Variants in TRIM5 observed in about 807,000 individuals in gnomAD.
The protein encoded by TRIM5 is tripartite motif containing 5, also known as tripartite motif-containing protein 5.
A neutral mutation model predicts 35.6 loss-of-function variants in TRIM5; 31 were observed. The ratio of observed to expected loss-of-function variants is 0.87; its 90% CI spans 0.65 to 1.18. The LOEUF (loss-of-function observed/expected upper bound fraction) is 1.18, where lower values mean the gene tolerates loss of function less well. Among genes scored for constraint, TRIM5 ranks in the 50% most tolerant of loss-of-function variants. TRIM5 has a pLI of 0.00. For synonymous variants in TRIM5, 243 were observed against 215.6 expected, an observed-to-expected ratio of 1.13 and a Z score of -1.11; for missense variants, 609 against 591.6, an observed-to-expected ratio of 1.03 and a Z score of -0.31.
chr11:5,629,050 G>A, the TRIM5 span, among the ~76,000 whole-genome samples: 1 of 152,140 alleles, frequency 6.6e-6, no homozygotes, highest in Non-Finnish European at 1.5e-5. Flanking sequence ...GCCGAGACAG[G>A]TGGATCACCT....
chr11:5,634,914 C>T, the TRIM5 span: 1 of 1,569,078 alleles, frequency 6.4e-7, no homozygotes, highest in East Asian at 2.3e-5. Context: ...CCTCCTGTGT[C>T]CTTGCGTTCT....
chr11:5,639,931 G>A, the TRIM5 span, among the ~76,000 whole-genome samples: 1 of 152,138 alleles, frequency 6.6e-6, no homozygotes, highest in Non-Finnish European at 1.5e-5. Flanking sequence ...GTACATCAGA[G>A]TAAATGATGT....
the TRIM5 span, among the ~76,000 whole-genome samples, chr11:5,627,623 C>T: frequency 6.6e-6 from 1 of 152,148 alleles, no homozygotes; most frequent in Non-Finnish European, 1.5e-5. Flanking sequence ...CACTACAGCT[C>T]TTGGGGAGAG....
the TRIM5 span, chr11:5,634,909 T>A: frequency 6.3e-7 from 1 of 1,580,636 alleles, no homozygotes; most frequent in South Asian, 1.1e-5. Flanking sequence ...AGTTCCCTCC[T>A]GTGTCCTTGC....
the TRIM5 span, among the ~76,000 whole-genome samples, chr11:5,594,069 T>C: frequency 6.6e-6 from 1 of 152,194 alleles, no homozygotes; most frequent in South Asian, 2.1e-4. Flanking sequence ...CACGGATATG[T>C]TTTCATTTCT....
At chr11:5,666,221 C>G in intron 5 of TRIM5, 140 bp from the exon 6 acceptor site, 1 of 745,724 alleles carries the variant, frequency 1.3e-6, no homozygotes, top group East Asian at 2.7e-5. Flanking sequence ...AGTGCAAACT[C>G]TTGACCCTGG....
chr11:5,679,769 C>T lies in TRIM5; in HGVS notation c.409G>A (p.Glu137Lys). Reference sequence around the variant, plus strand: ...CCATCCCAGTCTCTTACTTGGTACTCCCGGGCAACCTCCTCTGTGAGGAAC... The same window carrying T: ...CCATCCCAGTCTCTTACTTGGTACTTCCGGGCAACCTCCTCTGTGAGGAAC... ...HTFLTEEVAR[E>K]YQVKLQAALE... The change falls in exon 2 of 8, where the codon GAG becomes AAG. Residue 137 changes from glutamate to lysine, a missense_variant. Transcript: ENST00000380034. 6.3e-7 allele frequency: 1 copy of T among 1,589,050 alleles called. No homozygotes were observed. Among genetic ancestry groups the T allele is most frequent in the Non-Finnish European group, 8.6e-7 (1 of 1,165,226 alleles).
intron 4 of TRIM5, among the ~76,000 whole-genome samples, chr11:5,676,754 G>T (rs1182904482): frequency 1.3e-5 from 2 of 149,704 alleles, no homozygotes; most frequent in African/African-American, 2.5e-5. Flanking sequence ...CCAAAACAGA[G>T]ATATAGATCA....
At chr11:5,659,459 A>T (rs1850741555), downstream of TRIM5, among the ~76,000 whole-genome samples, 1 of 152,222 alleles carries the variant, frequency 6.6e-6, no homozygotes, top group Non-Finnish European at 1.5e-5. Flanking sequence ...CTGGGTCATT[A>T]TTCTACATGC....
chr11:5,649,329 C>T, the TRIM5 span, among the ~76,000 whole-genome samples: 5 of 152,220 alleles, frequency 3.3e-5, no homozygotes, highest in African/African-American at 1.2e-4. Flanking sequence ...GCGATTTCTA[C>T]CTGATGGAGT....
At chr11:5,634,596 A>C in the TRIM5 span, 3 of 1,585,374 alleles carry the variant, frequency 1.9e-6, no homozygotes, top group South Asian at 3.4e-5. Flanking sequence ...TAGCCTGACA[A>C]ACTTACTACA....
chr11:5,654,674 C>CT, the TRIM5 span, among the ~76,000 whole-genome samples: 1 of 152,148 alleles, frequency 6.6e-6, no homozygotes, highest in African/African-American at 2.4e-5. Context: ...TAGTTTCAAA[C>CT]ACTATGCGGC....
the TRIM5 span, among the ~76,000 whole-genome samples, chr11:5,615,718 C>G: frequency 6.6e-6 from 1 of 151,630 alleles, no homozygotes; most frequent in Non-Finnish European, 1.5e-5. Context: ...CTCAGCCTCC[C>G]GAGTAGCTGG....
downstream of TRIM5, among the ~76,000 whole-genome samples, chr11:5,660,080 G>A (rs1590213212): frequency 1.3e-5 from 2 of 152,004 alleles, no homozygotes; most frequent in East Asian, 3.9e-4. Context: ...GGGTTCAAGC[G>A]ATTCTCCTGC....
At chr11:5,603,429 C>T in the TRIM5 span, 1 of 1,614,104 alleles carries the variant, frequency 6.2e-7, no homozygotes, top group Non-Finnish European at 8.5e-7. Flanking sequence ...AAGCCTGCAT[C>T]ACACCAAATG....
At position 5,665,045 on chromosome 11, in the gene TRIM5, T is replaced by C. The variant is rs781700358; in HGVS notation, c.1246A>G (p.Ser416Gly). Residue 416 changes from serine (S) to glycine (G), a missense_variant, in exon 8 of 8, where the codon AGT becomes GGT. Transcript: ENST00000380034. ...GGAACAGAAGGAGTATGGAAGGAAC[T>C]ATCCTGGAAAGCACTACATTTAACT... ...EGVKCSAFQDSSFHTPSVPFI... is the reference protein window; with the variant it reads ...EGVKCSAFQDGSFHTPSVPFI... 8 of 1,613,928 alleles carry C rather than the reference T, an allele frequency of 5.0e-6. No individual in the cohort carries two copies. The highest frequency in any genetic ancestry group is 6.8e-6 in the Non-Finnish European group (8 of 1,180,016).
the TRIM5 span, chr11:5,589,402 C>T: frequency 1.3e-5 from 2 of 152,034 alleles, no homozygotes; most frequent in Admixed American, 6.6e-5. Context: ...TTAATTGTCT[C>T]AAATAGACAT....
the TRIM5 span, chr11:5,610,062 G>A: frequency 7.0e-7 from 1 of 1,426,574 alleles, no homozygotes; most frequent in Non-Finnish European, 9.8e-7. Context: ...GAATTCATCA[G>A]TAGGCTTGGG....
In TRIM5 at chr11:5,679,940, G is replaced by A. The variant is rs1852300505; in HGVS notation, c.238C>T (p.Leu80Phe). 1 of 1,614,056 alleles carries A rather than the reference G, an allele frequency of 6.2e-7. No individual in the cohort carries two copies. The highest frequency in any genetic ancestry group is 1.1e-5 in the South Asian group (1 of 91,064). Residue 80 changes from leucine (L) to phenylalanine (F), a missense_variant, in exon 2 of 8, where the codon CTC becomes TTC. Leu to Phe is a conservative substitution (Grantham distance 22). Coordinates refer to ENST00000380034, the MANE Select transcript of TRIM5 (RefSeq NM_033034.3). ...NRHVANIVEKLREVKLSPEGQ... is the reference protein window; with the variant it reads ...NRHVANIVEKFREVKLSPEGQ... ...TCTGGGCTCAACTTGACCTCCCTGA[G>A]CTTCTCCACTATGTTGGCTACATGC...
Sources: allele counts gnomAD v4.1 joint callset (sites outside exome capture counted in the v4.1 genomes callset), GRCh38; gene constraint gnomAD v4.1.1; transcripts MANE v1.5; gene names NCBI Gene and HGNC (gene_info 2026-07-23, HGNC 2026-07-21).